GTF2IRD1: variants seen among roughly 807,000 people sequenced by gnomAD.
GTF2IRD1 encodes the protein GTF2I repeat domain containing 1.
In GTF2IRD1, 26 loss-of-function variants were observed where a neutral mutation model predicts 113.2. That is an observed-to-expected ratio of 0.23 (90% CI 0.17 to 0.32). GTF2IRD1 has a LOEUF of 0.32. Ranked by LOEUF, GTF2IRD1 falls within the 10% of genes least tolerant of loss-of-function variation. GTF2IRD1 has a pLI of 1.00. For synonymous variants in GTF2IRD1, 484 were observed against 529.1 expected (o/e 0.91, Z 1.17); for missense variants, 864 against 1,280.8 (o/e 0.67, Z 4.97).
intron 1 of GTF2IRD1, among the ~76,000 whole-genome samples, chr7:74,492,310 AC>A (rs1795404912): frequency 6.6e-6 from 1 of 151,842 alleles, no homozygotes; most frequent in Non-Finnish European, 1.5e-5. Context: ...AGCTGGGACT[AC>A]AGGTGCCTGC....
chr7:74,505,926 T>A (rs1379277614), intron 1 of GTF2IRD1: 1 of 152,226 alleles, frequency 6.6e-6, no homozygotes, highest in East Asian at 1.9e-4. Context: ...CCCCTCCGCA[T>A]CCCTTAATAC....
intron 9 of GTF2IRD1, among the ~76,000 whole-genome samples, chr7:74,532,917 G>T (rs978808793): frequency 6.6e-6 from 1 of 152,044 alleles, no homozygotes; most frequent in Non-Finnish European, 1.5e-5. Context: ...CCGTGGTCCA[G>T]CCACTCCATG....
rs782725170 is a variant in GTF2IRD1 at position 74,590,890 on chromosome 7, G to A, written c.2464G>A (p.Ala822Thr). Reference sequence around the variant, plus strand: ...TAAACTAATCCGGGACAGCCCAGACGCCGTGGAGGTCACGGGTCTGCCTGA... The same window carrying A: ...TAAACTAATCCGGGACAGCCCAGACACCGTGGAGGTCACGGGTCTGCCTGA... ...PYKLIRDSPDAVEVTGLPDDI... is the reference protein window; with the variant it reads ...PYKLIRDSPDTVEVTGLPDDI... Residue 822 changes from alanine to threonine, a missense_variant, in exon 24 of 27, where the codon GCC (alanine) becomes ACC (threonine). Physicochemically the swap from Ala to Thr is moderately conservative, Grantham distance 58. Around this residue, in one of 7 missense-constraint regions of GTF2IRD1, gnomAD observed 195 missense variants for 359.1 expected, o/e 0.54. Coordinates refer to ENST00000424337, the MANE Select transcript of GTF2IRD1 (RefSeq NM_005685.4). 36 of 1,613,362 alleles carry A rather than the reference G, an allele frequency of 2.2e-5. No individual in the cohort carries two copies. The Admixed American group carries it at 2.5e-4, about 11-fold the overall frequency.
intron 15 of GTF2IRD1, 88 bp downstream of exon 15, chr7:74,544,890 C>A: frequency 2.0e-6 from 2 of 993,558 alleles, no homozygotes; most frequent in Non-Finnish European, 3.1e-6. Flanking sequence ...GCCTCTGGGT[C>A]TCTTCGTTCT....
chr7:74,591,366 G>T (rs1802050082), intron 24 of GTF2IRD1, among the ~76,000 whole-genome samples: 2 of 145,886 alleles, frequency 1.4e-5, no homozygotes, highest in African/African-American at 2.5e-5. Context: ...CATAGTCTCA[G>T]TGATTCTCTT....
chr7:74,469,252 T>C (rs1793939666), intron 1 of GTF2IRD1, among the ~76,000 whole-genome samples: 1 of 152,142 alleles, frequency 6.6e-6, no homozygotes, highest in Non-Finnish European at 1.5e-5. Flanking sequence ...ATTCTGTTCT[T>C]CTCTACCATG....
intron 3 of GTF2IRD1, among the ~76,000 whole-genome samples, chr7:74,514,620 C>T (rs1450948248): frequency 6.6e-6 from 1 of 152,100 alleles, no homozygotes; most frequent in African/African-American, 2.4e-5. Context: ...CTCTCCGGTC[C>T]CCACCCTGGC....
intron 1 of GTF2IRD1, among the ~76,000 whole-genome samples, chr7:74,488,130 A>G (rs1562793731): frequency 6.6e-6 from 1 of 152,126 alleles, no homozygotes; most frequent in Admixed American, 6.5e-5. Flanking sequence ...AGTAAAAATA[A>G]AAACTTAGCT....
chr7:74,527,563 C>T (rs368654093), intron 8 of GTF2IRD1, among the ~76,000 whole-genome samples: 5 of 152,136 alleles, frequency 3.3e-5, no homozygotes, highest in African/African-American at 4.8e-5. Flanking sequence ...GGTGTGGGGC[C>T]GGGGACTGTG....
At chr7:74,490,542 A>ACCCCCC (rs66883639) in intron 1 of GTF2IRD1, among the ~76,000 whole-genome samples, 48 of 129,852 alleles carry the variant, frequency 3.7e-4, no homozygotes, top group Non-Finnish European at 5.3e-4. Context: ...GAGAAAGGAT[A>ACCCCCC]CCCCCCCCCC....
intron 8 of GTF2IRD1, 126 bp downstream of exon 8, chr7:74,524,280 C>T (rs587686256): frequency 4.6e-5 from 29 of 630,540 alleles, no homozygotes; most frequent in East Asian, 2.0e-4. Flanking sequence ...GCGCCGGCAC[C>T]GCTAATGTCA....
intron 14 of GTF2IRD1, among the ~76,000 whole-genome samples, chr7:74,544,199 G>T (rs1397768198): frequency 6.6e-6 from 1 of 152,072 alleles, no homozygotes; most frequent in Admixed American, 6.6e-5. Flanking sequence ...TTGTTTGTTT[G>T]TTTGTTTTTG....
At chr7:74,490,539 G>A (rs1256424475) in intron 1 of GTF2IRD1, among the ~76,000 whole-genome samples, 2 of 124,068 alleles carry the variant, frequency 1.6e-5, no homozygotes, top group East Asian at 2.2e-4. Context: ...GGGGAGAAAG[G>A]ATACCCCCCC....
chr7:74,553,020 T>A (rs1345180463), intron 17 of GTF2IRD1, among the ~76,000 whole-genome samples: 3 of 152,084 alleles, frequency 2.0e-5, no homozygotes, highest in Admixed American at 1.3e-4. Flanking sequence ...GTATTTTTAG[T>A]AGAGACGGTG....
chr7:74,540,603 C>T (rs1413624257), intron 14 of GTF2IRD1, among the ~76,000 whole-genome samples: 9 of 151,848 alleles, frequency 5.9e-5, no homozygotes, highest in Admixed American at 4.6e-4. Flanking sequence ...CAGAAGTCCC[C>T]ACCTCCTGGG....
chr7:74,596,939 T>C (rs1341908183), intron 25 of GTF2IRD1, among the ~76,000 whole-genome samples: 27 of 152,204 alleles, frequency 1.8e-4, no homozygotes, highest in African/African-American at 6.3e-4. Flanking sequence ...TAGGCACTTG[T>C]AGTCCCAGGA....
rs191707569 is a variant in GTF2IRD1 at position 74,585,174 on chromosome 7, G to A, written c.2321-4677G>A. 8.9e-3 allele frequency among the ~76,000 whole-genome samples: 1,314 copies of A among 148,416 alleles called. 17 individuals carry two copies. The highest frequency in any genetic ancestry group is 0.029 in the African/African-American group (1,176 of 40,034). ...GTCGCCTAGGCTGGAGTGCAGTGGC[G>A]CAATCTCAGCTCACTGCAACCTCCA... On this transcript the variant is annotated intron_variant, in intron 22 of 26. Coordinates refer to ENST00000424337, the MANE Select transcript of GTF2IRD1 (RefSeq NM_005685.4).
At chr7:74,560,904 A>T (rs1554358850) in intron 22 of GTF2IRD1, among the ~76,000 whole-genome samples, 1 of 151,816 alleles carries the variant, frequency 6.6e-6, no homozygotes, top group Non-Finnish European at 1.5e-5. Context: ...TAAGGCACCC[A>T]TCCACTTCTG....
rs1012188843 is a variant in GTF2IRD1, at chr7:74,515,466, G to A, written c.291G>A (p.Glu97=). ...GAGGGCCCCCGTGGAAGGATCCGGA[G>A]GCAGAGCACCCCAAGAAGGTGCAGC... ...FCRGPPWKDP[E]AEHPKKVQRG... is the part of the protein sequence containing the mutation. The change falls in exon 4 of 27, where the codon GAG becomes GAA. Residue 97 remains glutamate, a synonymous_variant. Transcript: ENST00000424337. 2 of 1,603,116 alleles carry A rather than the reference G, an allele frequency of 1.2e-6. No individual in the cohort carries two copies. Among genetic ancestry groups the A allele is most frequent in the Non-Finnish European group, 1.7e-6 (2 of 1,173,746 alleles).
Sources: allele counts gnomAD v4.1 joint callset (sites outside exome capture counted in the v4.1 genomes callset), GRCh38; gene constraint gnomAD v4.1.1; regional missense constraint gnomAD v4.1.1; transcripts MANE v1.5; gene names NCBI Gene and HGNC (gene_info 2026-07-23, HGNC 2026-07-21).